Variants in SLC24A2 observed in about 807,000 individuals in gnomAD.
SLC24A2 encodes sodium/potassium/calcium exchanger 2.
In SLC24A2, 36 loss-of-function variants were observed where a neutral mutation model predicts 62.0. That is an observed-to-expected ratio of 0.58 (90% CI 0.44 to 0.77). The LOEUF is 0.77. Ranked by LOEUF, SLC24A2 falls within the 30% of genes least tolerant of loss-of-function variation. SLC24A2 has a pLI of 0.00. For synonymous variants in SLC24A2, 358 were observed against 294.0 expected (o/e 1.22, Z -2.23); for missense variants, 846 against 817.9 (o/e 1.03, Z -0.42).
the SLC24A2 span, among the ~76,000 whole-genome samples, chr9:19,950,691 C>G: frequency 2.4e-4 from 36 of 152,318 alleles, no homozygotes; most frequent in South Asian, 6.8e-3. Flanking sequence ...TCACCCCCCT[C>G]ATGAAGTTCA....
chr9:19,649,740 C>T (rs7870850), intron 2 of SLC24A2, among the ~76,000 whole-genome samples: 113,208 of 152,092 alleles, frequency 0.74, 42,235 homozygotes, highest in East Asian at 0.86. Context: ...ATATGGACAG[C>T]GGAAAGAAAT....
chr9:20,252,243 G>T, the SLC24A2 span, among the ~76,000 whole-genome samples: 6 of 152,184 alleles, frequency 3.9e-5, no homozygotes, highest in African/African-American at 1.4e-4. Flanking sequence ...GTCTGGAAAG[G>T]CATATGAGTT....
chr9:20,005,908 A>G, the SLC24A2 span, among the ~76,000 whole-genome samples: 5 of 151,340 alleles, frequency 3.3e-5, no homozygotes, highest in South Asian at 2.1e-4. Flanking sequence ...TATTTGTCAT[A>G]TGAAAATAAC....
In SLC24A2 at chr9:19,517,955, ACACT is replaced by A. The variant is rs879390506; in HGVS notation, c.1737-1557_1737-1554del. On this transcript the variant is annotated intron_variant, in intron 10 of 10. Coordinates refer to ENST00000341998, the MANE Select transcript of SLC24A2 (RefSeq NM_020344.4). ...CACACACACACACACACACACACACACACTCTCACACTTCTAGTGAAGTTGAGTT... is the reference window on the plus strand; with the variant it reads ...CACACACACACACACACACACACACACTCACACTTCTAGTGAAGTTGAGTT... Among the ~76,000 whole-genome samples the A allele has an allele frequency of 4.5e-3, 634 of 139,620 alleles. 3 individuals carry two copies. Among genetic ancestry groups the A allele is most frequent in the Non-Finnish European group, 6.2e-3 (392 of 63,620 alleles). The allele number at this position is 139,620 out of a possible 152,430, so 91.6% of individuals were successfully genotyped here.
At chr9:20,190,608 T>C in the SLC24A2 span, among the ~76,000 whole-genome samples, 1 of 152,126 alleles carries the variant, frequency 6.6e-6, no homozygotes, top group African/African-American at 2.4e-5. Context: ...GGTTAAATAA[T>C]TTCTCCCAGC....
At chr9:20,254,711 G>T in the SLC24A2 span, among the ~76,000 whole-genome samples, 1 of 152,154 alleles carries the variant, frequency 6.6e-6, no homozygotes, top group Admixed American at 6.5e-5. Flanking sequence ...GACACAATCA[G>T]ATTCCAAGCA....
chr9:19,707,359 C>A (rs1311054056), intron 2 of SLC24A2, among the ~76,000 whole-genome samples: 1 of 152,204 alleles, frequency 6.6e-6, no homozygotes, highest in South Asian at 2.1e-4. Flanking sequence ...CCTTCTGAAA[C>A]TATTCCAATC....
At chr9:20,098,780 G>C in the SLC24A2 span, among the ~76,000 whole-genome samples, 1 of 152,208 alleles carries the variant, frequency 6.6e-6, no homozygotes, top group African/African-American at 2.4e-5. Context: ...CGAAGGGAAA[G>C]ATATGGTTAA....
At chr9:19,776,265 C>A (rs2118910572) in intron 2 of SLC24A2, among the ~76,000 whole-genome samples, 1 of 152,312 alleles carries the variant, frequency 6.6e-6, no homozygotes, top group Middle Eastern at 3.4e-3. Flanking sequence ...TACAAGAGAA[C>A]TAGCTTGCAG....
the SLC24A2 span, among the ~76,000 whole-genome samples, chr9:19,872,428 T>C: frequency 6.6e-6 from 1 of 152,294 alleles, no homozygotes; most frequent in African/African-American, 2.4e-5. Flanking sequence ...TTTCTAGTGA[T>C]TGAGGTTGTT....
At chr9:20,252,081 G>A in the SLC24A2 span, among the ~76,000 whole-genome samples, 1 of 152,188 alleles carries the variant, frequency 6.6e-6, no homozygotes, top group Non-Finnish European at 1.5e-5. Context: ...AATTATTTCA[G>A]TTGGAACAGA....
chr9:19,865,115 C>A, the SLC24A2 span, among the ~76,000 whole-genome samples: 2 of 151,950 alleles, frequency 1.3e-5, no homozygotes, highest in East Asian at 1.9e-4. Flanking sequence ...ACGTAGGAAT[C>A]GACTTAACCG....
intron 2 of SLC24A2, among the ~76,000 whole-genome samples, chr9:19,690,296 G>A (rs536677717): frequency 6.6e-6 from 1 of 152,058 alleles, no homozygotes; most frequent in South Asian, 2.1e-4. Context: ...TGATTTAGTA[G>A]GGGATGGATC....
At chr9:20,274,262 G>A in the SLC24A2 span, among the ~76,000 whole-genome samples, 1 of 152,180 alleles carries the variant, frequency 6.6e-6, no homozygotes. Flanking sequence ...GACCAGGAGT[G>A]CTGGGGGCCT....
the SLC24A2 span, among the ~76,000 whole-genome samples, chr9:20,192,963 C>T: frequency 4.6e-5 from 7 of 152,096 alleles, no homozygotes; most frequent in African/African-American, 1.7e-4. Flanking sequence ...ATAAATTACC[C>T]AATCTTTTAT....
intron 2 of SLC24A2, among the ~76,000 whole-genome samples, chr9:19,636,109 A>T (rs978990997): frequency 3.2e-4 from 49 of 152,192 alleles, no homozygotes; most frequent in African/African-American, 1.1e-3. Context: ...AGGGCAAATC[A>T]ACAAAAATCA....
the SLC24A2 span, among the ~76,000 whole-genome samples, chr9:20,169,718 T>C: frequency 1.3e-5 from 2 of 151,326 alleles, no homozygotes; most frequent in Admixed American, 1.3e-4. Context: ...ACATAGCCTA[T>C]CCAAATGAGA....
At chr9:19,784,618 T>G (rs1450235895) in intron 2 of SLC24A2, among the ~76,000 whole-genome samples, 1 of 152,232 alleles carries the variant, frequency 6.6e-6, no homozygotes, top group East Asian at 1.9e-4. Flanking sequence ...ATCACCTTTT[T>G]GGCTGCTAAG....
At chr9:20,246,975 A>T in the SLC24A2 span, among the ~76,000 whole-genome samples, 1 of 152,244 alleles carries the variant, frequency 6.6e-6, no homozygotes, top group African/African-American at 2.4e-5. Context: ...TTTCTGTGCT[A>T]CATGACCATT....
Sources: allele counts gnomAD v4.1 joint callset (sites outside exome capture counted in the v4.1 genomes callset), GRCh38; gene constraint gnomAD v4.1.1; transcripts MANE v1.5; gene names NCBI Gene and HGNC (gene_info 2026-07-23, HGNC 2026-07-21).